CCT5: variants seen among roughly 807,000 people sequenced by gnomAD.
CCT5 encodes the protein T-complex protein 1 subunit epsilon.
A neutral mutation model predicts 55.0 loss-of-function variants in CCT5; 6 were observed. The ratio of observed to expected loss-of-function variants is 0.11; its 90% CI spans 0.06 to 0.22. CCT5 has a LOEUF of 0.22. Ranked by LOEUF, CCT5 falls within the 10% of genes least tolerant of loss-of-function variation. The probability of loss-of-function intolerance (pLI) is 1.00; values close to 1 mark genes in which losing one functional copy is unlikely to be tolerated. For missense variants in CCT5, 560 were observed against 694.6 expected, an observed-to-expected ratio of 0.81 and a Z score of 2.18; for synonymous variants, 231 against 243.7, an observed-to-expected ratio of 0.95 and a Z score of 0.49.
chr5:10,257,496 T>G (rs1225432284), intron 4 of CCT5, among the ~76,000 whole-genome samples: 2 of 152,264 alleles, frequency 1.3e-5, no homozygotes, highest in Non-Finnish European at 2.9e-5. Flanking sequence ...ACCTGTGATT[T>G]CAGACATTAT....
intron 8 of CCT5, 49 bp downstream of exon 8, chr5:10,261,794 G>T (rs755604055): frequency 6.5e-7 from 1 of 1,527,492 alleles, no homozygotes; most frequent in Non-Finnish European, 9.1e-7. Context: ...TTGCTTCATG[G>T]TCTGGCTTTT....
intron 3 of CCT5, among the ~76,000 whole-genome samples, chr5:10,255,345 C>T (rs1193869042): frequency 6.6e-6 from 1 of 150,486 alleles, no homozygotes; most frequent in South Asian, 2.1e-4. Context: ...AACTGGTATT[C>T]GTTTTAGTAT....
chr5:10,259,283 C>T (rs1431535625), intron 6 of CCT5, among the ~76,000 whole-genome samples: 1 of 152,172 alleles, frequency 6.6e-6, no homozygotes, highest in African/African-American at 2.4e-5. Flanking sequence ...TCTTTGGGGG[C>T]TGCGTCCTTG....
intron 1 of CCT5, 127 bp from the exon 2 acceptor site, chr5:10,254,018 C>T: frequency 1.4e-6 from 1 of 711,488 alleles, no homozygotes; most frequent in South Asian, 1.5e-5. Context: ...GTCTGTTGCC[C>T]CTTAAATGTA....
rs1463188302 is a variant in CCT5 at position 10,265,518 on chromosome 5, TA to T, written c.*736del. On this transcript the variant is annotated 3_prime_UTR_variant, in exon 11 of 11. Coordinates refer to ENST00000280326, the MANE Select transcript of CCT5 (RefSeq NM_012073.5). Reference sequence around the variant, plus strand: ...GGAAATAAGGGAGAAATCTTGCAGTTACCATGTTCAGATAGAGTGACTGAAA... The same window carrying T: ...GGAAATAAGGGAGAAATCTTGCAGTTCCATGTTCAGATAGAGTGACTGAAA... 1 of 152,296 alleles carries T rather than the reference TA, an allele frequency of 6.6e-6. No individual in the cohort carries two copies. Among genetic ancestry groups the T allele is most frequent in the Non-Finnish European group, 1.5e-5 (1 of 68,122 alleles). 9.4% of individuals were successfully genotyped at this position (152,296 alleles called of 1,614,324 possible).
upstream of CCT5, chr5:10,249,931 A>G: frequency 6.2e-6 from 4 of 649,770 alleles, no homozygotes; most frequent in South Asian, 3.9e-5. Context: ...AAAAAAAAAA[A>G]AAACCGGAAA....
In CCT5 at chr5:10,264,917, G is replaced by A. The variant is rs977667024; in HGVS notation, c.*134G>A. On this transcript the variant is annotated 3_prime_UTR_variant, in exon 11 of 11. Transcript: ENST00000280326. ...GATGCTATAATAAAAATAGCTGTTT[G>A]GTAACCATAGTTTCACTTGTTCAAA... 12 of 1,170,714 alleles carry A rather than the reference G, an allele frequency of 1.0e-5. No homozygotes were observed. The highest frequency in any genetic ancestry group is 1.5e-5 in the African/African-American group (1 of 66,168). 72.5% of individuals were successfully genotyped at this position (1,170,714 alleles called of 1,614,324 possible).
Position 10,260,800 on chromosome 5 carries a change from G to A in CCT5, c.882G>A (p.Glu294=), listed in dbSNP as rs1177133073. The change falls in exon 7 of 11, where the codon GAG becomes GAA. Residue 294 remains glutamate (E), a synonymous_variant. Coordinates refer to ENST00000280326, the MANE Select transcript of CCT5 (RefSeq NM_012073.5). ...KFEEMIQQIK[E]TGANLAICQW... The stretch of plus-strand genomic sequence containing the variant: ...GGTGGTTCTTTTCCCAGATTAAAGA[G>A]ACTGGTGCTAACCTAGCAATTTGTC... The A allele has an allele frequency of 4.3e-6, 7 of 1,613,698 alleles. No individual in the cohort carries two copies. The highest frequency in any genetic ancestry group is 5.9e-6 in the Non-Finnish European group (7 of 1,179,906).
At position 10,256,087 on chromosome 5, in the gene CCT5, T is replaced by C. The variant is rs201103056; in HGVS notation, c.464T>C (p.Val155Ala). ...CACCTGGACAAGATCAGCGATAGCGTCCTTGTTGACATAAAGGACACCGAA... is the reference window on the plus strand; with the variant it reads ...CACCTGGACAAGATCAGCGATAGCGCCCTTGTTGACATAAAGGACACCGAA... ...IEHLDKISDS[V>A]LVDIKDTEPL... is the part of the protein sequence containing the mutation. Residue 155 changes from valine (V) to alanine (A), a missense_variant, in exon 4 of 11, where the codon GTC becomes GCC. By Grantham distance (64) the Val-to-Ala change is moderately conservative. Transcript: ENST00000280326. The C allele has an allele frequency of 6.2e-7, 1 of 1,614,026 alleles. No homozygotes were observed. The highest frequency in any genetic ancestry group is 8.5e-7 in the Non-Finnish European group (1 of 1,179,912).
At chr5:10,253,214 C>T (rs182615282) in intron 1 of CCT5, among the ~76,000 whole-genome samples, 2,108 of 152,072 alleles carry the variant, frequency 0.014, 26 homozygotes, top group Admixed American at 0.022. Flanking sequence ...CCTGTAATCC[C>T]AGCTACTGGG....
At chr5:10,252,573 C>G in intron 1 of CCT5, among the ~76,000 whole-genome samples, 1 of 150,436 alleles carries the variant, frequency 6.6e-6, no homozygotes, top group Non-Finnish European at 1.5e-5. Context: ...CGAGATCACG[C>G]CACTGCACTC....
At chr5:10,262,419 T>C in intron 8 of CCT5, 62 bp from the exon 9 acceptor site, 4 of 1,589,862 alleles carry the variant, frequency 2.5e-6, no homozygotes, top group Non-Finnish European at 3.4e-6. Context: ...AGGTGCCAGA[T>C]ACTTGGCTCT....
Position 10,260,796 on chromosome 5 carries a change from A to G in CCT5, c.878A>G (p.Lys293Arg), listed in dbSNP as rs148752621. The G allele has an allele frequency of 1.9e-6, 3 of 1,613,548 alleles. No individual in the cohort carries two copies. Among genetic ancestry groups the G allele is most frequent in the African/African-American group, 1.3e-5 (1 of 74,906 alleles). The change falls in exon 7 of 11, where the codon AAA becomes AGA. Residue 293 changes from lysine to arginine, a missense_variant. This residue lies in a region of CCT5 where 256 missense variants were observed against 372.4 expected (regional missense o/e 0.69). Coordinates refer to ENST00000280326, the MANE Select transcript of CCT5 (RefSeq NM_012073.5). ...TTGTGGTGGTTCTTTTCCCAGATTA[A>G]AGAGACTGGTGCTAACCTAGCAATT... ...EKFEEMIQQIKETGANLAICQ... is the reference protein window; with the variant it reads ...EKFEEMIQQIRETGANLAICQ...
intron 1 of CCT5, among the ~76,000 whole-genome samples, chr5:10,253,058 G>C (rs1274195247): frequency 6.6e-6 from 1 of 152,142 alleles, no homozygotes; most frequent in East Asian, 1.9e-4. Context: ...GGGCGTGGTT[G>C]CTCAAACCTG....
rs545733096 is a variant in CCT5 at position 10,262,626 on chromosome 5, A to G, written c.1317+8A>G. 2 of 1,614,026 alleles carry G rather than the reference A, an allele frequency of 1.2e-6. No homozygotes were observed. The highest frequency in any genetic ancestry group is 2.2e-5 in the South Asian group (2 of 91,086). ...AGCCAAGAGGCGGATAAGGTAAGGG[A>G]TCTGTGCAGACTTAGTGAAAGATTC... On this transcript the variant is annotated splice_region_variant and intron_variant, in intron 9 of 10. Transcript: ENST00000280326.
intron 6 of CCT5, among the ~76,000 whole-genome samples, chr5:10,260,526 G>A (rs1745906708): frequency 8.2e-6 from 1 of 122,412 alleles, no homozygotes; most frequent in East Asian, 2.6e-4. Context: ...TTGCCTCACT[G>A]TAACAATAGG....
intron 8 of CCT5, chr5:10,261,991 AAAT>A: frequency 2.1e-6 from 1 of 484,126 alleles, no homozygotes; most frequent in Non-Finnish European, 3.7e-6. Flanking sequence ...ATATCTTTTT[AAAT>A]ACTTAAACAC....
rs777219709 is a variant in CCT5 at position 10,256,050 on chromosome 5, G to T, written c.427G>T (p.Val143Phe). ...CGATGGCTATGAGCAGGCTGCTCGT[G>T]TTGCTATTGAACACCTGGACAAGAT... The part of the protein sequence containing the change: ...IADGYEQAAR[V>F]AIEHLDKISD... Residue 143 changes from valine to phenylalanine, a missense_variant, in exon 4 of 11, where the codon GTT (valine) becomes TTT (phenylalanine). Physicochemically the swap from Val to Phe is conservative, Grantham distance 50. Coordinates refer to ENST00000280326, the MANE Select transcript of CCT5 (RefSeq NM_012073.5). The T allele has an allele frequency of 6.2e-7, 1 of 1,614,054 alleles. No homozygotes were observed. The highest frequency in any genetic ancestry group is 2.2e-5 in the East Asian group (1 of 44,892).
intron 10 of CCT5, 141 bp from the exon 11 acceptor site, chr5:10,264,515 C>G: frequency 4.3e-6 from 3 of 695,908 alleles, no homozygotes; most frequent in Non-Finnish European, 7.9e-6. Context: ...TGAAATATAA[C>G]TGAAATTAGT....
Sources: allele counts gnomAD v4.1 joint callset (sites outside exome capture counted in the v4.1 genomes callset), GRCh38; gene constraint gnomAD v4.1.1; regional missense constraint gnomAD v4.1.1; transcripts MANE v1.5; gene names NCBI Gene and HGNC (gene_info 2026-07-23, HGNC 2026-07-21).